The following SOS2 variants were observed in gnomAD, a reference collection of about 807,000 sequenced individuals.
SOS2 encodes son of sevenless homolog 2.
A neutral mutation model predicts 148.2 loss-of-function variants in SOS2; 65 were observed. The ratio of observed to expected loss-of-function variants is 0.44; its 90% CI spans 0.36 to 0.54. The LOEUF is 0.54. Among genes scored for constraint, SOS2 ranks in the 20% least tolerant of loss-of-function variants. SOS2 has a pLI of 0.00. For missense variants in SOS2, 1,341 were observed against 1,590.2 expected, an observed-to-expected ratio of 0.84 and a Z score of 2.67; for synonymous variants, 539 against 537.1, an observed-to-expected ratio of 1.00 and a Z score of -0.05.
chr14:50,161,640 T>G (rs1885011741), intron 8 of SOS2, 31 bp from the exon 9 acceptor site: 14 of 1,599,370 alleles, frequency 8.8e-6, no homozygotes, highest in Non-Finnish European at 1.2e-5. Flanking sequence ...AAATCAAAAC[T>G]GCATTGTTTG....
In SOS2 at chr14:50,150,045, C is replaced by A. The variant is rs774498876; in HGVS notation, c.2347G>T (p.Ala783Ser). 3.6e-5 allele frequency: 58 copies of A among 1,613,648 alleles called. No homozygotes were observed. Among genetic ancestry groups the A allele is most frequent in the Non-Finnish European group, 4.7e-5 (55 of 1,179,702 alleles). ...DLMTLHPIEI[A>S]RQLTLLESDL... The stretch of plus-strand genomic sequence containing the variant: ...GACTCCAAAAGTGTCAGCTGACGTG[C>A]AATTTCTATTGGATGAAGTGTCATG... The change falls in exon 14 of 23, where the codon GCA (alanine) becomes TCA (serine). Residue 783 changes from alanine to serine, a missense_variant. Physicochemically the swap from Ala to Ser is moderately conservative, Grantham distance 99. Transcript: ENST00000216373.
At chr14:50,171,007 G>C (rs138448282) in intron 8 of SOS2, among the ~76,000 whole-genome samples, 1 of 151,628 alleles carries the variant, frequency 6.6e-6, no homozygotes, top group African/African-American at 2.4e-5. Context: ...CCAGCTACTC[G>C]GGAAGCTGAG....
chr14:50,121,250 A>G (rs1418277107), intron 21 of SOS2, among the ~76,000 whole-genome samples: 1 of 152,200 alleles, frequency 6.6e-6, no homozygotes, highest in East Asian at 1.9e-4. Flanking sequence ...TCAACCAGAC[A>G]TATAATAATT....
intron 13 of SOS2, among the ~76,000 whole-genome samples, chr14:50,151,807 C>T (rs964476531): frequency 3.3e-5 from 5 of 152,132 alleles, no homozygotes; most frequent in Non-Finnish European, 5.9e-5. Flanking sequence ...ACTGCAGCCT[C>T]GAGCTCTGGG....
intron 8 of SOS2, among the ~76,000 whole-genome samples, chr14:50,167,845 G>C (rs1364252787): frequency 6.6e-6 from 1 of 151,370 alleles, no homozygotes; most frequent in Non-Finnish European, 1.5e-5. Flanking sequence ...TCCAGCCTGG[G>C]CGATACAGTG....
intron 1 of SOS2, among the ~76,000 whole-genome samples, chr14:50,228,308 T>A (rs766979106): frequency 6.6e-6 from 1 of 151,940 alleles, no homozygotes; most frequent in African/African-American, 2.4e-5. Context: ...CCTCCCAGAG[T>A]GCTGGATTAC....
chr14:50,176,090 G>A (rs1410905254), intron 7 of SOS2, among the ~76,000 whole-genome samples: 1 of 152,222 alleles, frequency 6.6e-6, no homozygotes, highest in Non-Finnish European at 1.5e-5. Flanking sequence ...TGAGGGCAGA[G>A]CCCCTGTGAA....
At chr14:50,188,018 T>C (rs1186245109) in intron 5 of SOS2, among the ~76,000 whole-genome samples, 1 of 152,208 alleles carries the variant, frequency 6.6e-6, no homozygotes, top group African/African-American at 2.4e-5. Flanking sequence ...TAATTTTCAT[T>C]GTCACTGTAC....
At chr14:50,208,322 G>A (rs1387006329) in intron 1 of SOS2, among the ~76,000 whole-genome samples, 1 of 151,698 alleles carries the variant, frequency 6.6e-6, no homozygotes, top group East Asian at 1.9e-4. Flanking sequence ...AAATCTCTTT[G>A]TGAACTTCTT....
intron 21 of SOS2, among the ~76,000 whole-genome samples, chr14:50,120,789 G>A (rs1449146515): frequency 7.0e-6 from 1 of 143,796 alleles, no homozygotes; most frequent in African/African-American, 2.6e-5. Flanking sequence ...GCCTAGGCTG[G>A]AGTGCAATGG....
At chr14:50,201,697 G>C (rs375074729) in intron 2 of SOS2, among the ~76,000 whole-genome samples, 5 of 152,102 alleles carry the variant, frequency 3.3e-5, no homozygotes, top group African/African-American at 2.4e-5. Context: ...AGATTAAAGC[G>C]AACATGAAAT....
At chr14:50,169,297 C>A (rs907223322) in intron 8 of SOS2, among the ~76,000 whole-genome samples, 3 of 150,956 alleles carry the variant, frequency 2.0e-5, no homozygotes, top group Non-Finnish European at 2.9e-5. Context: ...GCCTGGGCGA[C>A]AGAGTGGGAC....
intron 8 of SOS2, among the ~76,000 whole-genome samples, chr14:50,166,282 G>A (rs935515025): frequency 1.4e-4 from 22 of 152,000 alleles, no homozygotes; most frequent in Admixed American, 2.6e-4. Context: ...GAATGCAGTG[G>A]CACGATCTCG....
chr14:50,227,319 AC>A (rs1400180934), intron 1 of SOS2, among the ~76,000 whole-genome samples: 1 of 133,058 alleles, frequency 7.5e-6, no homozygotes, highest in Non-Finnish European at 1.5e-5. Flanking sequence ...ATCTCAGCCC[AC>A]TCTAACCTCT....
chr14:50,225,088 A>G (rs1887327595), intron 1 of SOS2, among the ~76,000 whole-genome samples: 1 of 152,038 alleles, frequency 6.6e-6, no homozygotes, highest in African/African-American at 2.4e-5. Context: ...ATTTGAAAAA[A>G]CTTTGTACTA....
chr14:50,171,529 C>T (rs1193145392), intron 8 of SOS2, among the ~76,000 whole-genome samples: 1 of 151,422 alleles, frequency 6.6e-6, no homozygotes, highest in Non-Finnish European at 1.5e-5. Context: ...ACTAAAAATA[C>T]AAAAATTAGC....
chr14:50,157,125 A>C lies in SOS2; in HGVS notation c.1935-4T>G. The C allele has an allele frequency of 6.2e-7, 1 of 1,608,804 alleles. No homozygotes were observed. Among genetic ancestry groups the C allele is most frequent in the Non-Finnish European group, 8.5e-7 (1 of 1,177,614 alleles). On this transcript the variant is annotated splice_polypyrimidine_tract_variant and splice_region_variant and intron_variant, in intron 11 of 22. Transcript: ENST00000216373. ...TTCTGGCTCTGGAATTTCAAACCTA[A>C]GAAGAAAAGCAAAAGGAGAAAAATC...
At chr14:50,203,483 T>C (rs1886564075) in intron 2 of SOS2, among the ~76,000 whole-genome samples, 2 of 152,146 alleles carry the variant, frequency 1.3e-5, no homozygotes, top group Admixed American at 1.3e-4. Context: ...GGTGCTTTTA[T>C]ACAAAAGAAG....
chr14:50,166,408 T>C (rs1885167637), intron 8 of SOS2, among the ~76,000 whole-genome samples: 1 of 152,082 alleles, frequency 6.6e-6, no homozygotes, highest in Non-Finnish European at 1.5e-5. Context: ...TTTGAATTTT[T>C]TGTAGAGATG....
Sources: allele counts gnomAD v4.1 joint callset (sites outside exome capture counted in the v4.1 genomes callset), GRCh38; gene constraint gnomAD v4.1.1; transcripts MANE v1.5; gene names NCBI Gene and HGNC (gene_info 2026-07-23, HGNC 2026-07-21).